LRRC8C: variants seen among roughly 807,000 people sequenced by gnomAD.
LRRC8C encodes leucine rich repeat containing 8 VRAC subunit C.
A neutral mutation model predicts 55.3 loss-of-function variants in LRRC8C; 20 were observed. That is an observed-to-expected ratio of 0.36 (90% CI 0.25 to 0.53). LRRC8C has a LOEUF of 0.53. LRRC8C is among the 20% of genes least tolerant of loss of function. LRRC8C has a pLI of 0.92. For synonymous variants in LRRC8C, 376 were observed against 360.7 expected (o/e 1.04, Z -0.48); for missense variants, 659 against 951.4 (o/e 0.69, Z 4.04).
chr1:89,683,867 T>A (rs1657795269), intron 1 of LRRC8C, among the ~76,000 whole-genome samples: 4 of 152,146 alleles, frequency 2.6e-5, no homozygotes, highest in Admixed American at 2.6e-4. Flanking sequence ...CATATCACAA[T>A]AGATTGAAAT....
At chr1:89,644,896 C>A (rs777904274) in intron 1 of LRRC8C, among the ~76,000 whole-genome samples, 1 of 152,162 alleles carries the variant, frequency 6.6e-6, no homozygotes, top group South Asian at 2.1e-4. Flanking sequence ...TTCAGTATAA[C>A]CGAGTCAATG....
At chr1:89,660,482 G>A (rs946997070) in intron 1 of LRRC8C, among the ~76,000 whole-genome samples, 1 of 152,132 alleles carries the variant, frequency 6.6e-6, no homozygotes, top group African/African-American at 2.4e-5. Flanking sequence ...TGATTCCAAT[G>A]TGCAGCCAAG....
At chr1:89,658,479 G>A (rs769318987) in intron 1 of LRRC8C, among the ~76,000 whole-genome samples, 6 of 152,048 alleles carry the variant, frequency 3.9e-5, no homozygotes, top group East Asian at 3.9e-4. Context: ...CATCTCAGAC[G>A]CCAAGGCATT....
Position 89,713,188 on chromosome 1 carries a change from C to G in LRRC8C, c.618C>G (p.Ser206Arg). The change falls in exon 3 of 3, where the codon AGC becomes AGG. Residue 206 changes from serine (S) to arginine (R), a missense_variant. By Grantham distance (110) the Ser-to-Arg change is moderately radical (BLOSUM62 -1). Transcript: ENST00000370454. The surrounding 1 kb of genome is among the most constrained non-coding windows in gnomAD (Gnocchi z 5.2). ...SNTIQSGPED[S>R]LVNSQSLKSI... The stretch of plus-strand genomic sequence containing the variant: ...CCATCCAATCTGGTCCAGAAGACAG[C>G]CTGGTCAACTCTCAGTCTTTAAAGT... 1 of 1,614,136 alleles carries G rather than the reference C, an allele frequency of 6.2e-7. No homozygotes were observed. Among genetic ancestry groups the G allele is most frequent in the Non-Finnish European group, 8.5e-7 (1 of 1,180,018 alleles).
rs1290463865 is a variant in LRRC8C at position 89,677,724 on chromosome 1, T to C, written c.-4-8746T>C. Among the ~76,000 whole-genome samples, 5 of 152,332 alleles carry C rather than the reference T, an allele frequency of 3.3e-5. No homozygotes were observed. In the East Asian group the frequency reaches 7.7e-4, roughly 24 times the overall value. On this transcript the variant is annotated intron_variant, in intron 1 of 2. Coordinates refer to ENST00000370454, the MANE Select transcript of LRRC8C (RefSeq NM_032270.5). ...CTTTGACCTTTTTCAGGTCCTAAAA[T>C]TTTATAACCCATTTATGCTTTTCTC...
chr1:89,632,540 C>T (rs1309307413), upstream of LRRC8C: 1 of 152,662 alleles, frequency 6.6e-6, no homozygotes, highest in African/African-American at 2.4e-5. Context: ...CCTCCCCACC[C>T]TTCTCTTAGG....
intron 1 of LRRC8C, among the ~76,000 whole-genome samples, chr1:89,671,744 G>T (rs1039029066): frequency 6.6e-6 from 1 of 152,216 alleles, no homozygotes; most frequent in African/African-American, 2.4e-5. Context: ...GCATTGTGTG[G>T]AGGATGACCA....
intron 2 of LRRC8C, among the ~76,000 whole-genome samples, chr1:89,707,099 A>T (rs1422897397): frequency 1.3e-5 from 2 of 152,108 alleles, no homozygotes; most frequent in Admixed American, 6.5e-5. Flanking sequence ...CCTGGATGTC[A>T]GTCGTTCCTA....
intron 1 of LRRC8C, among the ~76,000 whole-genome samples, chr1:89,678,916 G>A (rs1657626444): frequency 6.6e-6 from 1 of 152,138 alleles, no homozygotes; most frequent in Admixed American, 6.5e-5. Context: ...AGTAGGTTTT[G>A]GACAGGCCAA....
chr1:89,710,976 C>T (rs2101354267), intron 2 of LRRC8C, among the ~76,000 whole-genome samples: 1 of 152,254 alleles, frequency 6.6e-6, no homozygotes, highest in Admixed American at 6.5e-5. Flanking sequence ...AATAAGAGTA[C>T]TTGATGTCAT....
chr1:89,709,800 G>A (rs1658596147), intron 2 of LRRC8C, among the ~76,000 whole-genome samples: 1 of 147,266 alleles, frequency 6.8e-6, no homozygotes, highest in Non-Finnish European at 1.5e-5. Context: ...CGCCCAGGCT[G>A]GAGTGCAGTG....
At chr1:89,712,002 C>G (rs186729891) in intron 2 of LRRC8C, among the ~76,000 whole-genome samples, 1 of 152,330 alleles carries the variant, frequency 6.6e-6, no homozygotes, top group African/African-American at 2.4e-5. Context: ...CTTTCTGCTT[C>G]TCATACACAG....
chr1:89,654,374 A>G (rs1390141498), intron 1 of LRRC8C, among the ~76,000 whole-genome samples: 1 of 152,216 alleles, frequency 6.6e-6, no homozygotes, highest in Non-Finnish European at 1.5e-5. Context: ...TACCCAGTAT[A>G]GCCATGTAGC....
chr1:89,672,768 T>C (rs1657456503), intron 1 of LRRC8C, among the ~76,000 whole-genome samples: 1 of 150,934 alleles, frequency 6.6e-6, no homozygotes, highest in Non-Finnish European at 1.5e-5. Flanking sequence ...AATTTCCATT[T>C]CTTCGTTGAC....
intron 2 of LRRC8C, among the ~76,000 whole-genome samples, chr1:89,700,784 T>C (rs1658295607): frequency 6.6e-6 from 1 of 152,228 alleles, no homozygotes; most frequent in Admixed American, 6.5e-5. Flanking sequence ...CTGCCTTATA[T>C]TGGCCACTTG....
At chr1:89,624,504 C>T in the LRRC8C span, among the ~76,000 whole-genome samples, 1 of 152,142 alleles carries the variant, frequency 6.6e-6, no homozygotes, top group African/African-American at 2.4e-5. Context: ...GGGAACTATT[C>T]CTCAGTGTAA....
chr1:89,617,081 T>G, the LRRC8C span, among the ~76,000 whole-genome samples: 2 of 152,146 alleles, frequency 1.3e-5, no homozygotes, highest in Non-Finnish European at 2.9e-5. Context: ...GGGCCCTCCC[T>G]CTCCCATACA....
At chr1:89,690,735 C>A (rs949556798) in intron 2 of LRRC8C, among the ~76,000 whole-genome samples, 1 of 152,146 alleles carries the variant, frequency 6.6e-6, no homozygotes, top group Admixed American at 6.5e-5. Context: ...TCAGAATCAT[C>A]TTCCTGCAGC....
At chr1:89,668,404 A>G (rs1657327982) in intron 1 of LRRC8C, 1 of 152,204 alleles carries the variant, frequency 6.6e-6, no homozygotes, top group African/African-American at 2.4e-5. Context: ...GTTTCACCCT[A>G]GTGACTCCTT....
Sources: gnomAD v4.1 joint callset for allele counts (sites outside exome capture counted in the v4.1 genomes callset) on GRCh38, gnomAD v4.1.1 for gene constraint, Gnocchi (gnomAD v3.1) non-coding constraint, MANE v1.5 for transcripts, NCBI Gene and HGNC (gene_info 2026-07-23, HGNC 2026-07-21) for gene names.